MTAP: variants seen among roughly 807,000 people sequenced by gnomAD.
MTAP encodes the protein S-methyl-5'-thioadenosine phosphorylase.
MTAP carries 33 observed loss-of-function variants against 33.6 expected under a neutral mutation model. That is an observed-to-expected ratio of 0.98 (90% CI 0.74 to 1.31). The LOEUF is 1.31. Among genes scored for constraint, MTAP ranks in the 40% most tolerant of loss-of-function variants. MTAP has a pLI of 0.00. For missense variants in MTAP, 367 were observed against 360.0 expected, an observed-to-expected ratio of 1.02 and a Z score of -0.16; for synonymous variants, 148 against 125.7, an observed-to-expected ratio of 1.18 and a Z score of -1.19.
At chr9:21,805,387 C>CT in intron 1 of MTAP, among the ~76,000 whole-genome samples, 1 of 152,184 alleles carries the variant, frequency 6.6e-6, no homozygotes, top group East Asian at 1.9e-4. Context: ...GGGGATGCAG[C>CT]TTTGAGTAAG....
chr9:21,822,409 G>T (rs1439707973), intron 4 of MTAP, among the ~76,000 whole-genome samples: 13 of 152,160 alleles, frequency 8.5e-5, no homozygotes, highest in African/African-American at 2.9e-4. Flanking sequence ...TTCAGGAGCA[G>T]GTTCTTCAAT....
chr9:21,811,600 C>A (rs1480926107), intron 1 of MTAP: 3 of 472,376 alleles, frequency 6.4e-6, no homozygotes, highest in African/African-American at 3.9e-5. Flanking sequence ...CCACCCTTTA[C>A]ACAGTAACAG....
chr9:21,838,073 ATTTG>A, intron 5 of MTAP, 63 bp downstream of exon 5: 1 of 1,401,918 alleles, frequency 7.1e-7, no homozygotes, highest in Non-Finnish European at 1.0e-6. Flanking sequence ...GGCATCTGGC[ATTTG>A]GTTAATTGGC....
chr9:21,861,824 G>T lies in MTAP; in HGVS notation c.814-152G>T. The T allele has an allele frequency of 9.3e-6, 6 of 643,224 alleles. No homozygotes were observed. In the South Asian group the frequency reaches 1.2e-4, roughly 13 times the overall value. The allele number at this position is 643,224 out of a possible 1,614,324, so 39.8% of individuals were successfully genotyped here. ...ACCCGAAGTTCCACATCTGGTTAGT[G>T]AACTTGAAAATTTTCTGTAGAATTT... On this transcript the variant is annotated intron_variant, in intron 7 of 7. Coordinates refer to ENST00000644715, the MANE Select transcript of MTAP (RefSeq NM_002451.4).
At chr9:21,905,873 A>G (rs1490713926) in intron 1 of MTAP, among the ~76,000 whole-genome samples, 1 of 152,236 alleles carries the variant, frequency 6.6e-6, no homozygotes, top group East Asian at 1.9e-4. Context: ...CTGCAAAGGG[A>G]GATGACAACA....
At chr9:21,860,523 A>G (rs1399562628) in intron 7 of MTAP, 2 of 152,226 alleles carry the variant, frequency 1.3e-5, no homozygotes, top group Admixed American at 6.5e-5. Flanking sequence ...CCTAAATGTT[A>G]TTTAATGAAT....
intron 1 of MTAP, among the ~76,000 whole-genome samples, chr9:21,914,971 A>G (rs1006060914): frequency 4.0e-5 from 6 of 151,208 alleles, no homozygotes; most frequent in African/African-American, 1.5e-4. Flanking sequence ...GTACATCCAT[A>G]GTGTAGCACA....
intron 5 of MTAP, among the ~76,000 whole-genome samples, chr9:21,852,519 A>T (rs947474910): frequency 3.3e-5 from 5 of 151,726 alleles, no homozygotes; most frequent in South Asian, 4.2e-4. Flanking sequence ...CAAAAAAAAA[A>T]AAAAAAATGA....
At chr9:21,908,938 A>G (rs558874401) in intron 1 of MTAP, among the ~76,000 whole-genome samples, 2 of 152,120 alleles carry the variant, frequency 1.3e-5, no homozygotes, top group South Asian at 4.1e-4. Context: ...TATAATTATT[A>G]TAACTATTTC....
At chr9:21,815,608 T>G in intron 2 of MTAP, 89 bp downstream of exon 2, 1 of 656,956 alleles carries the variant, frequency 1.5e-6, no homozygotes, top group Non-Finnish European at 2.4e-6. Context: ...AAAAAAAGAA[T>G]TGCTTTTGTT....
At chr9:21,888,058 C>G (rs1563860134) in intron 1 of MTAP, among the ~76,000 whole-genome samples, 1 of 152,052 alleles carries the variant, frequency 6.6e-6, no homozygotes, top group East Asian at 1.9e-4. Context: ...CTATGTATAC[C>G]ATCATATCAT....
chr9:21,872,610 G>C (rs1023194166), intron 1 of MTAP, among the ~76,000 whole-genome samples: 1 of 152,060 alleles, frequency 6.6e-6, no homozygotes, highest in Non-Finnish European at 1.5e-5. Flanking sequence ...TAAGATCAAA[G>C]CTTATTTTTC....
rs369294437 is a variant in MTAP at position 21,816,784 on chromosome 9, T to A, written c.179+12T>A. On this transcript the variant is annotated intron_variant, in intron 3 of 7. Coordinates refer to ENST00000644715, the MANE Select transcript of MTAP (RefSeq NM_002451.4). ...GTCCTCCTTGCAAGGTATGGTATTTTAAGCTTTTTGGATGTTACTACTAAA... is the reference window on the plus strand; with the variant it reads ...GTCCTCCTTGCAAGGTATGGTATTTAAAGCTTTTTGGATGTTACTACTAAA... 6.1e-5 allele frequency: 98 copies of A among 1,602,346 alleles called. No individual in the cohort carries two copies. The East Asian group carries it at 7.2e-4, about 12-fold the overall frequency.
intron 4 of MTAP, among the ~76,000 whole-genome samples, chr9:21,822,505 T>G (rs1824669852): frequency 6.6e-6 from 1 of 152,222 alleles, no homozygotes; most frequent in Non-Finnish European, 1.5e-5. Flanking sequence ...TAGTTTGTTA[T>G]AATTTCTGTT....
intron 1 of MTAP, among the ~76,000 whole-genome samples, chr9:21,929,172 A>C (rs1054590338): frequency 6.6e-6 from 1 of 152,108 alleles, no homozygotes; most frequent in African/African-American, 2.4e-5. Flanking sequence ...GGGTGAAGTC[A>C]TGGAAAGGCC....
rs1825767535 is a variant in MTAP, at chr9:21,862,151, G to A, written c.*137G>A. 3 of 1,521,200 alleles carry A rather than the reference G, an allele frequency of 2.0e-6. No homozygotes were observed. In the Middle Eastern group the frequency reaches 5.3e-4, roughly 266 times the overall value. 94.2% of individuals were successfully genotyped at this position (1,521,200 alleles called of 1,614,324 possible). A position where few individuals can be genotyped will look rare whatever the true frequency, so the allele number is the denominator to read the frequency against. ...CTATCAAAGAGTATGTTGTAAGAAA[G>A]ACAAGACATTGTGTGTATTAGAGAC... On this transcript the variant is annotated 3_prime_UTR_variant, in exon 8 of 8. Coordinates refer to ENST00000644715, the MANE Select transcript of MTAP (RefSeq NM_002451.4).
downstream of MTAP, among the ~76,000 whole-genome samples, chr9:21,869,593 C>T (rs1290287708): frequency 6.6e-6 from 1 of 152,182 alleles, no homozygotes. Flanking sequence ...CCTACACCTG[C>T]TTTCCCATCC....
intron 6 of MTAP, among the ~76,000 whole-genome samples, chr9:21,855,535 G>A (rs1471196514): frequency 1.3e-5 from 2 of 152,138 alleles, no homozygotes; most frequent in African/African-American, 4.8e-5. Flanking sequence ...GTGGAAAGGA[G>A]GGAGACTGGG....
At position 21,905,888 on chromosome 9, in the gene MTAP, T is replaced by C. The variant is rs535397671; in HGVS notation, c.148-25120T>C. On this transcript the variant is annotated intron_variant, in intron 1 of 1. Transcript: ENST00000577563. ...CTGCAAAGGGAGATGACAACACTTA[T>C]ATTACCATAGTGGCTTTGGGTGGGG... Among the ~76,000 whole-genome samples, 7 of 152,352 alleles carry C rather than the reference T, an allele frequency of 4.6e-5. No homozygotes were observed. The East Asian group carries it at 5.8e-4, about 13-fold the overall frequency.
Sources: allele counts gnomAD v4.1 joint callset (sites outside exome capture counted in the v4.1 genomes callset), GRCh38; gene constraint gnomAD v4.1.1; transcripts MANE v1.5; gene names NCBI Gene and HGNC (gene_info 2026-07-23, HGNC 2026-07-21).